Variants in ART3 observed in about 807,000 individuals in gnomAD.
ART3 encodes ADP-ribosyltransferase 3 (inactive), also known as ecto-ADP-ribosyltransferase 3.
In ART3, 49 loss-of-function variants were observed where a neutral mutation model predicts 48.5. The observed-to-expected ratio is 1.01, with a 90% CI of 0.80 to 1.28. The LOEUF is 1.28. Ranked by LOEUF, ART3 falls within the 50% of genes most tolerant of loss-of-function variation. ART3 has a pLI of 0.00. For synonymous variants in ART3, 145 were observed against 157.2 expected (o/e 0.92, Z 0.58); for missense variants, 438 against 454.3 (o/e 0.96, Z 0.33).
In ART3 at chr4:76,089,972, C is replaced by T. The variant is rs183556927; in HGVS notation, c.781+7437C>T. On this transcript the variant is annotated intron_variant, in intron 3 of 11. Coordinates refer to ENST00000355810, the MANE Select transcript of ART3 (RefSeq NM_001130016.3). ...GTGGGTACCTGTAGTCCCAGCTACTCGGGAGGCTGAGGCAGGAGAATCACT... is the reference window on the plus strand; with the variant it reads ...GTGGGTACCTGTAGTCCCAGCTACTTGGGAGGCTGAGGCAGGAGAATCACT... Among the ~76,000 whole-genome samples the T allele has an allele frequency of 1.4e-4, 21 of 152,060 alleles. No individual in the cohort carries two copies. The South Asian group carries it at 4.4e-3, about 32-fold the overall frequency.
chr4:76,041,822 A>C (rs1329698148), intron 1 of ART3, among the ~76,000 whole-genome samples: 1 of 152,192 alleles, frequency 6.6e-6, no homozygotes, highest in Non-Finnish European at 1.5e-5. Context: ...TTTAAACTAA[A>C]GCTGAGGTTG....
chr4:76,110,748 G>C (rs557056597), intron 11 of ART3, among the ~76,000 whole-genome samples: 1 of 152,098 alleles, frequency 6.6e-6, no homozygotes, highest in Non-Finnish European at 1.5e-5. Context: ...CTTATACATG[G>C]ATTTTTTTTA....
At position 76,112,314 on chromosome 4, in the gene ART3, G is replaced by T; in HGVS notation, c.1037-72G>T. 2.6e-6 allele frequency: 4 copies of T among 1,511,676 alleles called. No homozygotes were observed. The African/African-American group carries it at 5.6e-5, about 21-fold the overall frequency. The allele number at this position is 1,511,676 out of a possible 1,614,324, so 93.6% of individuals were successfully genotyped here. On this transcript the variant is annotated intron_variant, in intron 11 of 11. Transcript: ENST00000355810. ...TTAGTGTCATTGTTTACATATTCAG[G>T]ATATATTTTATAGGTGGATGATACT...
chr4:76,085,287 C>T (rs1297360304), intron 3 of ART3, among the ~76,000 whole-genome samples: 2 of 152,100 alleles, frequency 1.3e-5, no homozygotes, highest in Admixed American at 6.6e-5. Context: ...TAGATCTTGA[C>T]TAAATGTAGC....
Position 76,028,327 on chromosome 4 carries a change from G to A in ART3, c.-10+17007G>A, listed in dbSNP as rs917349800. Among the ~76,000 whole-genome samples the A allele has an allele frequency of 5.3e-5, 8 of 152,030 alleles. No homozygotes were observed. The East Asian group carries it at 7.7e-4, about 15-fold the overall frequency. On this transcript the variant is annotated intron_variant, in intron 1 of 9. Transcript: ENST00000341029. ...TTTGCAACGTTTATGGTATAATCAC[G>A]TTCCTAGAATTCACTGATCTGAGTA... is the stretch of plus-strand genomic sequence containing the variant.
intron 2 of ART3, among the ~76,000 whole-genome samples, chr4:76,077,539 T>C (rs1269474394): frequency 1.3e-5 from 2 of 152,226 alleles, no homozygotes; most frequent in East Asian, 3.8e-4. Context: ...TCTAATCATA[T>C]AGTCTTGACA....
intron 1 of ART3, among the ~76,000 whole-genome samples, chr4:76,041,726 A>C (rs978946315): frequency 6.6e-6 from 1 of 152,234 alleles, no homozygotes; most frequent in Non-Finnish European, 1.5e-5. Context: ...ATGCTTGATA[A>C]TAACATGTGT....
At chr4:76,066,121 A>G (rs986963075) in intron 1 of ART3, among the ~76,000 whole-genome samples, 1 of 152,226 alleles carries the variant, frequency 6.6e-6, no homozygotes, top group Non-Finnish European at 1.5e-5. Context: ...GTAGGGGTTT[A>G]GAAACACCCT....
chr4:76,014,667 A>G (rs569097329), intron 1 of ART3, among the ~76,000 whole-genome samples: 8 of 152,310 alleles, frequency 5.3e-5, no homozygotes, highest in East Asian at 1.9e-4. Flanking sequence ...ACGAAATCCA[A>G]TGAAACGTAT....
chr4:76,106,399 ATTTAT>A lies in ART3; in HGVS notation c.1004-1357_1004-1353del, dbSNP rs1289924690. 4.1e-6 allele frequency: 4 copies of A among 979,604 alleles called. No homozygotes were observed. In the African/African-American group the frequency reaches 7.0e-5, roughly 17 times the overall value. The allele number at this position is 979,604 out of a possible 1,614,324, so 60.7% of individuals were successfully genotyped here. A position where few individuals can be genotyped will look rare whatever the true frequency, so the allele number is the denominator to read the frequency against. On this transcript the variant is annotated intron_variant, in intron 10 of 11. Coordinates refer to ENST00000355810, the MANE Select transcript of ART3 (RefSeq NM_001130016.3). ...AAAGGTGGCTTGCCAGTTAGGACAG[ATTTAT>A]TTTAGAGAAAACAAACTTGAGAGGC...
chr4:76,073,819 T>C (rs978844981), upstream of ART3, among the ~76,000 whole-genome samples: 1 of 152,220 alleles, frequency 6.6e-6, no homozygotes, highest in African/African-American at 2.4e-5. Context: ...TGCTTGTATC[T>C]CTTTTTTTAC....
chr4:76,022,817 C>G, intron 1 of ART3: 1 of 1,607,148 alleles, frequency 6.2e-7, no homozygotes, highest in Non-Finnish European at 8.5e-7. Flanking sequence ...GAGAGGTACT[C>G]CTGTAGGAAA....
intron 1 of ART3, among the ~76,000 whole-genome samples, chr4:76,047,100 G>A (rs1735585613): frequency 6.6e-6 from 1 of 152,016 alleles, no homozygotes; most frequent in Non-Finnish European, 1.5e-5. Context: ...ACCTTCCAGT[G>A]ATTGCCTCAG....
intron 1 of ART3, among the ~76,000 whole-genome samples, chr4:76,039,365 G>A (rs1048052288): frequency 3.9e-5 from 6 of 152,098 alleles, no homozygotes; most frequent in Non-Finnish European, 8.8e-5. Flanking sequence ...ATTAAAAGAG[G>A]TAATGCATAT....
At chr4:76,084,336 C>G (rs768879118) in intron 3 of ART3, among the ~76,000 whole-genome samples, 1 of 152,086 alleles carries the variant, frequency 6.6e-6, no homozygotes, top group Middle Eastern at 3.2e-3. Context: ...GAGAAATGGT[C>G]CACTAAAGAA....
At chr4:76,018,238 A>G (rs1017510719) in intron 1 of ART3, among the ~76,000 whole-genome samples, 5 of 152,262 alleles carry the variant, frequency 3.3e-5, no homozygotes, top group African/African-American at 7.2e-5. Flanking sequence ...AATGTGGTAC[A>G]TATACACCAT....
chr4:76,056,378 G>A (rs1718689044), intron 1 of ART3, among the ~76,000 whole-genome samples: 1 of 152,152 alleles, frequency 6.6e-6, no homozygotes, highest in Non-Finnish European at 1.5e-5. Context: ...AAAATCTGAT[G>A]AATATGCAGA....
At chr4:76,100,648 AT>A in intron 6 of ART3, 146 bp from the exon 7 acceptor site, 1 of 926,870 alleles carries the variant, frequency 1.1e-6, no homozygotes, top group Non-Finnish European at 1.6e-6. Context: ...AAAAAAAAAA[AT>A]TCTGGGGGCT....
At chr4:76,022,572 G>C in intron 1 of ART3, 1 of 1,474,076 alleles carries the variant, frequency 6.8e-7, no homozygotes, top group South Asian at 1.2e-5. Context: ...TTTGTTTGCT[G>C]TACATTAGTT....
Sources: allele counts gnomAD v4.1 joint callset (sites outside exome capture counted in the v4.1 genomes callset), GRCh38; gene constraint gnomAD v4.1.1; transcripts MANE v1.5; gene names NCBI Gene and HGNC (gene_info 2026-07-23, HGNC 2026-07-21).